Variants in MIPOL1 observed in about 807,000 individuals in gnomAD.
MIPOL1 encodes the protein mirror-image polydactyly 1.
MIPOL1 carries 57 observed loss-of-function variants against 60.9 expected under a neutral mutation model. The ratio of observed to expected loss-of-function variants is 0.94; its 90% CI spans 0.76 to 1.17. MIPOL1 has a LOEUF of 1.17. Ranked by LOEUF, MIPOL1 falls within the 50% of genes most tolerant of loss-of-function variation. The pLI is 0.00. For missense variants in MIPOL1, 551 were observed against 511.6 expected (o/e 1.08, Z -0.74); for synonymous variants, 179 against 168.8 (o/e 1.06, Z -0.47).
intron 3 of MIPOL1, among the ~76,000 whole-genome samples, chr14:37,257,095 TTGTGTG>T (rs61079220): frequency 1.3e-3 from 174 of 137,784 alleles, no homozygotes; most frequent in African/African-American, 4.0e-3. Flanking sequence ...TGGTTTTGTT[TTGTGTG>T]TGTGTGTGTG....
At chr14:37,268,410 GGA>G (rs1166336139) in intron 4 of MIPOL1, among the ~76,000 whole-genome samples, 1 of 152,104 alleles carries the variant, frequency 6.6e-6, no homozygotes, top group African/African-American at 2.4e-5. Flanking sequence ...AATTACAACA[GGA>G]GATGTACGTG....
Position 37,499,905 on chromosome 14 carries a change from C to CA in MIPOL1, c.1032-2dup. 1 of 1,483,586 alleles carries CA rather than the reference C, an allele frequency of 6.7e-7. No homozygotes were observed. The highest frequency in any genetic ancestry group is 9.2e-7 in the Non-Finnish European group (1 of 1,085,230). 91.9% of individuals were successfully genotyped at this position (1,483,586 alleles called of 1,614,324 possible). On this transcript the variant is annotated splice_polypyrimidine_tract_variant and splice_region_variant and intron_variant, in intron 11 of 12. Coordinates refer to ENST00000684589, the MANE Select transcript of MIPOL1 (RefSeq NM_001388067.1). ...CTTTAAATTTTTTTTAATATTTTCTCAGTTTACACAAATCTTTATCTCAAG... is the reference window on the plus strand; with the variant it reads ...CTTTAAATTTTTTTTAATATTTTCTCAAGTTTACACAAATCTTTATCTCAAG...
At chr14:37,525,040 G>T (rs2095438744) in intron 12 of MIPOL1, among the ~76,000 whole-genome samples, 1 of 152,134 alleles carries the variant, frequency 6.6e-6, no homozygotes. Flanking sequence ...AATAATGAAA[G>T]GATAGAAGAT....
chr14:37,442,816 A>G (rs1272972239), intron 11 of MIPOL1, among the ~76,000 whole-genome samples: 2 of 152,074 alleles, frequency 1.3e-5, no homozygotes, highest in Non-Finnish European at 2.9e-5. Context: ...ATAACAAAAC[A>G]TTGTTAAAGA....
chr14:37,343,800 A>G (rs1231341888), intron 9 of MIPOL1, among the ~76,000 whole-genome samples: 1 of 152,206 alleles, frequency 6.6e-6, no homozygotes, highest in Non-Finnish European at 1.5e-5. Context: ...AATATTGGCT[A>G]AATTTATTTT....
intron 1 of MIPOL1, among the ~76,000 whole-genome samples, chr14:37,233,665 G>A (rs1486985342): frequency 6.6e-6 from 1 of 152,200 alleles, no homozygotes; most frequent in African/African-American, 2.4e-5. Flanking sequence ...AATACTTAAT[G>A]ATTTCCCATC....
rs34884132 is a variant in MIPOL1, at chr14:37,372,754, CA to C, written c.936+3147del. Among the ~76,000 whole-genome samples, 14 of 131,976 alleles carry C rather than the reference CA, an allele frequency of 1.1e-4. 1 individual carries two copies. Among genetic ancestry groups the C allele is most frequent in the African/African-American group, 2.0e-4 (7 of 35,352 alleles). The allele number at this position is 131,976 out of a possible 152,430, so 86.6% of individuals were successfully genotyped here. On this transcript the variant is annotated intron_variant, in intron 10 of 12. Coordinates refer to ENST00000684589, the MANE Select transcript of MIPOL1 (RefSeq NM_001388067.1). Reference sequence around the variant, plus strand: ...TGGGCAACAGAGTGAGACTCCGTCTCAAAAAAAAAAAAAAAAATTGCTAGGC... The same window carrying C: ...TGGGCAACAGAGTGAGACTCCGTCTCAAAAAAAAAAAAAAAATTGCTAGGC...
chr14:37,269,801 ATG>A (rs1227523495), intron 5 of MIPOL1, among the ~76,000 whole-genome samples: 4 of 152,116 alleles, frequency 2.6e-5, no homozygotes, highest in Admixed American at 2.6e-4. Flanking sequence ...AAAAGGATGA[ATG>A]AGACTGCTTT....
chr14:37,509,367 C>G (rs1460695684), intron 12 of MIPOL1, among the ~76,000 whole-genome samples: 1 of 151,740 alleles, frequency 6.6e-6, no homozygotes, highest in Non-Finnish European at 1.5e-5. Context: ...CACACAGACT[C>G]AAAGAGTGGT....
At chr14:37,259,690 T>C (rs2082380253) in intron 3 of MIPOL1, among the ~76,000 whole-genome samples, 2 of 152,134 alleles carry the variant, frequency 1.3e-5, no homozygotes, top group African/African-American at 4.8e-5. Context: ...GCTGTAATTA[T>C]AGTACAAAAA....
At chr14:37,353,858 C>T (rs1387570072) in intron 9 of MIPOL1, among the ~76,000 whole-genome samples, 1 of 152,066 alleles carries the variant, frequency 6.6e-6, no homozygotes, top group Non-Finnish European at 1.5e-5. Context: ...AAAAAACCAG[C>T]TCCTGGATTC....
intron 12 of MIPOL1, among the ~76,000 whole-genome samples, chr14:37,536,239 T>A (rs1004551883): frequency 6.6e-6 from 1 of 152,202 alleles, no homozygotes; most frequent in African/African-American, 2.4e-5. Context: ...TTTTCTCCCT[T>A]TTCTAAGATA....
intron 3 of MIPOL1, among the ~76,000 whole-genome samples, chr14:37,264,040 A>G (rs1444250984): frequency 6.6e-6 from 1 of 152,156 alleles, no homozygotes; most frequent in Non-Finnish European, 1.5e-5. Context: ...ATGGGGCAAT[A>G]CAAATAAGCT....
chr14:37,367,239 G>A (rs1175823184), intron 9 of MIPOL1, among the ~76,000 whole-genome samples: 2 of 151,966 alleles, frequency 1.3e-5, no homozygotes, highest in African/African-American at 4.8e-5. Flanking sequence ...AAACAAACCA[G>A]TATAAATTAT....
chr14:37,231,822 G>A (rs2153316585), intron 1 of MIPOL1, among the ~76,000 whole-genome samples: 1 of 152,282 alleles, frequency 6.6e-6, no homozygotes, highest in African/African-American at 2.4e-5. Flanking sequence ...GCTCGCACCT[G>A]TTATCCTAGC....
chr14:37,373,126 C>T (rs1284559767), intron 10 of MIPOL1, among the ~76,000 whole-genome samples: 6 of 152,076 alleles, frequency 3.9e-5, no homozygotes, highest in Non-Finnish European at 7.4e-5. Context: ...GCCTCAGCCT[C>T]CTGAGTAGCT....
chr14:37,315,974 G>A (rs2087828909), intron 9 of MIPOL1, among the ~76,000 whole-genome samples: 1 of 151,918 alleles, frequency 6.6e-6, no homozygotes, highest in Admixed American at 6.6e-5. Flanking sequence ...ATTGAAATGA[G>A]TGTGGTGTCA....
At chr14:37,388,481 T>C (rs2093138128) in intron 10 of MIPOL1, among the ~76,000 whole-genome samples, 1 of 151,066 alleles carries the variant, frequency 6.6e-6, no homozygotes, top group East Asian at 1.9e-4. Flanking sequence ...TTGGGTTTTT[T>C]TTGTGTTTTT....
chr14:37,383,180 A>G (rs544054317), intron 10 of MIPOL1, among the ~76,000 whole-genome samples: 1 of 151,970 alleles, frequency 6.6e-6, no homozygotes, highest in African/African-American at 2.4e-5. Flanking sequence ...ATCATGCAAC[A>G]TAGTTTTACA....
Sources: gnomAD v4.1 joint callset for allele counts (sites outside exome capture counted in the v4.1 genomes callset) on GRCh38, gnomAD v4.1.1 for gene constraint, MANE v1.5 for transcripts, NCBI Gene and HGNC (gene_info 2026-07-23, HGNC 2026-07-21) for gene names.